GARRE1: variants seen among roughly 807,000 people sequenced by gnomAD.
GARRE1 encodes granule associated Rac and RHOG effector protein 1.
In GARRE1, 49 loss-of-function variants were observed where a neutral mutation model predicts 103.2. The observed-to-expected ratio is 0.47, with a 90% CI of 0.38 to 0.60. GARRE1 has a LOEUF of 0.60. Ranked by LOEUF, GARRE1 falls within the 20% of genes least tolerant of loss-of-function variation. The pLI is 0.00. For synonymous variants in GARRE1, 505 were observed against 532.8 expected (o/e 0.95, Z 0.72); for missense variants, 1,199 against 1,370.5 (o/e 0.87, Z 1.98).
chr19:34,344,413 A>C (rs1331676417), intron 10 of GARRE1, among the ~76,000 whole-genome samples: 1 of 151,636 alleles, frequency 6.6e-6, no homozygotes, highest in African/African-American at 2.4e-5. Context: ...AAACGGTGAA[A>C]CCCCGTCTCT....
Position 34,328,005 on chromosome 19 carries a change from G to T in GARRE1, c.958G>T (p.Ala320Ser), listed in dbSNP as rs766304937. Reference protein sequence around the residue: ...EASLQGCCSEAEAQQTGRRQT... With the variant: ...EASLQGCCSESEAQQTGRRQT... ...CCTTTTCCAGGGCTGCTGCAGCGAG[G>T]CGGAAGCCCAGCAGACGGGGCGGAG... is the stretch of plus-strand genomic sequence containing the variant. Residue 320 changes from alanine (A) to serine (S), a missense_variant, in exon 6 of 14, where the codon GCG becomes TCG. Physicochemically the swap from Ala to Ser is moderately conservative, Grantham distance 99. Coordinates refer to ENST00000299505, the MANE Select transcript of GARRE1 (RefSeq NM_014686.5). The T allele has an allele frequency of 2.5e-6, 4 of 1,614,054 alleles. No homozygotes were observed. The African/African-American group carries it at 5.3e-5, about 22-fold the overall frequency.
chr19:34,268,035 G>A (rs1187349539), intron 1 of GARRE1, among the ~76,000 whole-genome samples: 1 of 151,074 alleles, frequency 6.6e-6, no homozygotes, highest in Non-Finnish European at 1.5e-5. Context: ...GCCTCCCAAA[G>A]TGCTGGGATT....
intron 2 of GARRE1, among the ~76,000 whole-genome samples, chr19:34,303,391 A>G (rs1022081103): frequency 1.3e-5 from 2 of 152,312 alleles, no homozygotes; most frequent in Non-Finnish European, 1.5e-5. Context: ...GCTAACTAAC[A>G]CTGCTTTGGG....
intron 13 of GARRE1, 120 bp from the exon 14 acceptor site, chr19:34,352,527 G>A (rs2074243905): frequency 1.3e-6 from 1 of 773,530 alleles, no homozygotes; most frequent in Non-Finnish European, 2.2e-6. Flanking sequence ...ACAGGGGTGT[G>A]GGAGTGAGTG....
chr19:34,294,205 G>T (rs2073934350), intron 1 of GARRE1, among the ~76,000 whole-genome samples: 1 of 151,768 alleles, frequency 6.6e-6, no homozygotes, highest in Non-Finnish European at 1.5e-5. Context: ...AGATGGCTTG[G>T]GGTCACGAGT....
rs958268308 is a variant in GARRE1 at position 34,353,545 on chromosome 19, A to G, written c.*590A>G. On this transcript the variant is annotated 3_prime_UTR_variant, in exon 14 of 14. Transcript: ENST00000299505. ...CTATCTATATTTAAGCTTATACAAA[A>G]TGGGCAAAATATAGAATATTTGTGA... is the stretch of plus-strand genomic sequence containing the variant. 2 of 152,456 alleles carry G rather than the reference A, an allele frequency of 1.3e-5. No homozygotes were observed. Among genetic ancestry groups the G allele is most frequent in the Non-Finnish European group, 2.9e-5 (2 of 68,104 alleles). 9.4% of individuals were successfully genotyped at this position (152,456 alleles called of 1,614,324 possible).
At chr19:34,260,640 C>T (rs1178353998) in intron 1 of GARRE1, among the ~76,000 whole-genome samples, 2 of 152,054 alleles carry the variant, frequency 1.3e-5, no homozygotes, top group Non-Finnish European at 2.9e-5. Context: ...ACTAACTCGT[C>T]GTTTAGCATT....
intron 6 of GARRE1, among the ~76,000 whole-genome samples, chr19:34,329,162 C>G (rs76700982): frequency 6.6e-6 from 1 of 152,198 alleles, no homozygotes; most frequent in Non-Finnish European, 1.5e-5. Flanking sequence ...CTTTGGCCCA[C>G]CTGCCACATG....
rs538298395 is a variant in GARRE1, at chr19:34,274,359, C to A, written c.-796+19745C>A. Among the ~76,000 whole-genome samples the A allele has an allele frequency of 4.5e-4, 69 of 152,118 alleles. 1 individual carries two copies. In the South Asian group the frequency reaches 0.012, roughly 27 times the overall value. ...GGCGGAGGTTGCAGTGAGCTTAGATCGCACCATTGCACTCCAGTCTGGGCA... is the reference window on the plus strand; with the variant it reads ...GGCGGAGGTTGCAGTGAGCTTAGATAGCACCATTGCACTCCAGTCTGGGCA... On this transcript the variant is annotated intron_variant, in intron 1 of 13. Transcript: ENST00000299505.
chr19:34,274,728 A>G (rs1350377836), intron 1 of GARRE1, among the ~76,000 whole-genome samples: 1 of 152,298 alleles, frequency 6.6e-6, no homozygotes, highest in East Asian at 1.9e-4. Flanking sequence ...TCAGAGGAGG[A>G]GTAGCTCAAA....
chr19:34,280,832 C>A (rs2073847922), intron 1 of GARRE1, among the ~76,000 whole-genome samples: 1 of 151,954 alleles, frequency 6.6e-6, no homozygotes, highest in Admixed American at 6.6e-5. Context: ...ATTTCTGATC[C>A]CAGATCCAGA....
chr19:34,328,303 G>A (rs2074121779), intron 6 of GARRE1, 152 bp downstream of exon 6: 1 of 786,776 alleles, frequency 1.3e-6, no homozygotes, highest in Admixed American at 2.9e-5. Flanking sequence ...TGGGAGGCGG[G>A]CGGATCACCT....
intron 1 of GARRE1, among the ~76,000 whole-genome samples, chr19:34,299,199 A>G (rs1055259991): frequency 6.6e-6 from 1 of 152,068 alleles, no homozygotes; most frequent in Non-Finnish European, 1.5e-5. Context: ...CTATCCTACA[A>G]TCAAGGCCTA....
intron 10 of GARRE1, among the ~76,000 whole-genome samples, chr19:34,344,192 A>G (rs2074199716): frequency 6.6e-6 from 1 of 152,234 alleles, no homozygotes; most frequent in African/African-American, 2.4e-5. Flanking sequence ...TAATTTAGCA[A>G]AAGGCATACA....
chr19:34,341,599 C>T lies in GARRE1; in HGVS notation c.1665C>T (p.Ser555=). 1 of 1,614,204 alleles carries T rather than the reference C, an allele frequency of 6.2e-7. No individual in the cohort carries two copies. The highest frequency in any genetic ancestry group is 8.5e-7 in the Non-Finnish European group (1 of 1,180,034). ...CTTCATGTACCAGCTCCAGCAGCAGCACAAATTATTCCATCCAAAATACCC... is the reference window on the plus strand; with the variant it reads ...CTTCATGTACCAGCTCCAGCAGCAGTACAAATTATTCCATCCAAAATACCC... ...KKASCTSSSS[S]TNYSIQNTPS... is the part of the protein sequence containing the mutation. Residue 555 remains serine, a synonymous_variant, in exon 10 of 14, where the codon AGC becomes AGT. Coordinates refer to ENST00000299505, the MANE Select transcript of GARRE1 (RefSeq NM_014686.5).
At chr19:34,319,166 T>C (rs1599770808) in intron 2 of GARRE1, among the ~76,000 whole-genome samples, 2 of 152,132 alleles carry the variant, frequency 1.3e-5, no homozygotes, top group Admixed American at 6.6e-5. Flanking sequence ...TATCTGAAAA[T>C]GTTTGTGGCA....
At chr19:34,278,298 G>A (rs1052927962) in intron 1 of GARRE1, among the ~76,000 whole-genome samples, 20 of 151,866 alleles carry the variant, frequency 1.3e-4, no homozygotes, top group Non-Finnish European at 2.9e-5. Flanking sequence ...ACAAAAATTA[G>A]CCAGATGTGG....
chr19:34,344,434 C>A (rs2074200910), intron 10 of GARRE1, among the ~76,000 whole-genome samples: 1 of 151,552 alleles, frequency 6.6e-6, no homozygotes, highest in East Asian at 2.0e-4. Context: ...ACTAAAAATA[C>A]AAAAAAATTA....
At chr19:34,325,645 G>A (rs773990587) in intron 3 of GARRE1, among the ~76,000 whole-genome samples, 4 of 152,040 alleles carry the variant, frequency 2.6e-5, no homozygotes, top group South Asian at 2.1e-4. Flanking sequence ...TGTCTTGCTC[G>A]CCTTCATTTT....
Sources: allele counts gnomAD v4.1 joint callset (sites outside exome capture counted in the v4.1 genomes callset), GRCh38; gene constraint gnomAD v4.1.1; transcripts MANE v1.5; gene names NCBI Gene and HGNC (gene_info 2026-07-23, HGNC 2026-07-21).